The following NEGR1 variants were observed in gnomAD, a reference collection of about 807,000 sequenced individuals.
The protein encoded by NEGR1 is IgLON family member 4.
A neutral mutation model predicts 40.9 loss-of-function variants in NEGR1; 10 were observed. The ratio of observed to expected loss-of-function variants is 0.24; its 90% CI spans 0.15 to 0.42. The LOEUF (loss-of-function observed/expected upper bound fraction) is 0.42. NEGR1 is among the 10% of genes least tolerant of loss of function. NEGR1 has a pLI of 1.00. For synonymous variants in NEGR1, 185 were observed against 166.8 expected (o/e 1.11, Z -0.84); for missense variants, 352 against 438.9 (o/e 0.80, Z 1.77).
intron 1 of NEGR1, among the ~76,000 whole-genome samples, chr1:72,087,773 T>A (rs916286890): frequency 2.7e-5 from 4 of 146,022 alleles, no homozygotes; most frequent in South Asian, 2.2e-4. Context: ...TTTTTTTTTT[T>A]AATGTAGAGA....
In NEGR1 at chr1:71,587,635, C is replaced by CAT. The variant is rs947924079; in HGVS notation, c.940+5180_940+5181dup. The stretch of plus-strand genomic sequence containing the variant: ...AATGCTTTGTTACTTTGAATAAATG[C>CAT]ATACACGAGTACACACACACACACA... On this transcript the variant is annotated intron_variant, in intron 6 of 6. Transcript: ENST00000357731. Among the ~76,000 whole-genome samples the CAT allele has an allele frequency of 2.2e-5, 3 of 135,286 alleles. No homozygotes were observed. In the Middle Eastern group the frequency reaches 0.011, roughly 509 times the overall value. 88.8% of individuals were successfully genotyped at this position (135,286 alleles called of 152,430 possible). A position where few individuals can be genotyped will look rare whatever the true frequency, so the allele number is the denominator to read the frequency against.
intron 1 of NEGR1, among the ~76,000 whole-genome samples, chr1:72,080,319 T>C (rs75446521): frequency 6.6e-6 from 1 of 152,122 alleles, no homozygotes; most frequent in African/African-American, 2.4e-5. Flanking sequence ...AGCATCCAGA[T>C]AGTTTCTTAC....
intron 4 of NEGR1, among the ~76,000 whole-genome samples, chr1:71,635,148 G>T (rs140697692): frequency 8.6e-5 from 13 of 151,926 alleles, no homozygotes; most frequent in African/African-American, 3.1e-4. Flanking sequence ...GAACCCAAAA[G>T]ACAAGTATAT....
At chr1:72,249,296 G>A (rs965578041) in intron 1 of NEGR1, among the ~76,000 whole-genome samples, 1 of 152,192 alleles carries the variant, frequency 6.6e-6, no homozygotes, top group African/African-American at 2.4e-5. Flanking sequence ...TTCTAAAACT[G>A]TTAGAAATAA....
intron 6 of NEGR1, among the ~76,000 whole-genome samples, chr1:71,436,174 A>G (rs2101304257): frequency 6.6e-6 from 1 of 152,232 alleles, no homozygotes; most frequent in African/African-American, 2.4e-5. Flanking sequence ...ACATGAATTC[A>G]CAGGACTTAC....
chr1:71,866,999 G>A (rs1660133139), intron 2 of NEGR1, among the ~76,000 whole-genome samples: 1 of 152,174 alleles, frequency 6.6e-6, no homozygotes, highest in Non-Finnish European at 1.5e-5. Flanking sequence ...GAGGCATAAA[G>A]ATTATCATAT....
intron 3 of NEGR1, among the ~76,000 whole-genome samples, chr1:71,756,420 A>C (rs1019053973): frequency 7.3e-5 from 11 of 150,860 alleles, no homozygotes; most frequent in African/African-American, 2.7e-4. Context: ...ACAAAAAAAA[A>C]AAACCAAAAA....
chr1:72,176,422 T>C (rs2100404364), intron 1 of NEGR1, among the ~76,000 whole-genome samples: 1 of 152,194 alleles, frequency 6.6e-6, no homozygotes, highest in South Asian at 2.1e-4. Context: ...CAAACTCTAA[T>C]GGAGAAGAAT....
At chr1:72,188,326 A>G (rs956539565) in intron 1 of NEGR1, among the ~76,000 whole-genome samples, 1 of 151,412 alleles carries the variant, frequency 6.6e-6, no homozygotes, top group African/African-American at 2.4e-5. Flanking sequence ...TTTTCCTTTA[A>G]TGTGCCTACC....
intron 1 of NEGR1, among the ~76,000 whole-genome samples, chr1:72,166,491 C>T (rs1651770366): frequency 6.6e-6 from 1 of 152,134 alleles, no homozygotes. Flanking sequence ...ATGTTCATTG[C>T]TGCGCTATTC....
At chr1:72,089,242 C>T (rs1448341673) in intron 1 of NEGR1, among the ~76,000 whole-genome samples, 1 of 152,092 alleles carries the variant, frequency 6.6e-6, no homozygotes, top group Non-Finnish European at 1.5e-5. Flanking sequence ...CCACTAGCTA[C>T]CACTTATAAC....
At chr1:71,781,234 A>C (rs1656705317) in intron 2 of NEGR1, among the ~76,000 whole-genome samples, 1 of 152,164 alleles carries the variant, frequency 6.6e-6, no homozygotes, top group Non-Finnish European at 1.5e-5. Context: ...TCATATAAGC[A>C]CAGGGTATTT....
At chr1:71,712,672 A>G (rs1393372761) in intron 3 of NEGR1, among the ~76,000 whole-genome samples, 2 of 152,176 alleles carry the variant, frequency 1.3e-5, no homozygotes, top group Non-Finnish European at 2.9e-5. Flanking sequence ...TCTTTTCAGA[A>G]TATGTCAGTG....
At chr1:72,169,828 T>A (rs1323168347) in intron 1 of NEGR1, among the ~76,000 whole-genome samples, 1 of 152,120 alleles carries the variant, frequency 6.6e-6, no homozygotes, top group African/African-American at 2.4e-5. Context: ...CAGTTAAAGG[T>A]TCACTGACAA....
At chr1:72,062,211 C>T (rs75042556) in intron 1 of NEGR1, among the ~76,000 whole-genome samples, 2,240 of 151,896 alleles carry the variant, frequency 0.015, 52 homozygotes, top group African/African-American at 0.051. Context: ...TTTATTTTGT[C>T]TCCTCCCCTT....
At chr1:71,900,918 G>T (rs1661126115) in intron 2 of NEGR1, among the ~76,000 whole-genome samples, 1 of 152,146 alleles carries the variant, frequency 6.6e-6, no homozygotes, top group Admixed American at 6.5e-5. Flanking sequence ...AACAGTAATA[G>T]AAAATACATC....
intron 4 of NEGR1, among the ~76,000 whole-genome samples, chr1:71,685,371 G>A (rs1272119726): frequency 1.4e-5 from 2 of 146,830 alleles, no homozygotes; most frequent in Admixed American, 6.9e-5. Context: ...TGCCCAGGCT[G>A]GAGTGCAATG....
intron 1 of NEGR1, among the ~76,000 whole-genome samples, chr1:71,998,850 T>C (rs1646529468): frequency 6.6e-6 from 1 of 151,792 alleles, no homozygotes; most frequent in African/African-American, 2.4e-5. Context: ...CATATACACA[T>C]ACTTGGGATA....
At chr1:71,473,371 G>A (rs1489279461) in intron 6 of NEGR1, among the ~76,000 whole-genome samples, 1 of 152,116 alleles carries the variant, frequency 6.6e-6, no homozygotes, top group African/African-American at 2.4e-5. Flanking sequence ...ACTAGTGGAT[G>A]TCAGAAGATA....
Sources: allele counts gnomAD v4.1 joint callset (sites outside exome capture counted in the v4.1 genomes callset), GRCh38; gene constraint gnomAD v4.1.1; transcripts MANE v1.5; gene names NCBI Gene and HGNC (gene_info 2026-07-23, HGNC 2026-07-21).